The following ARHGAP33 variants were observed in gnomAD, a reference collection of about 807,000 sequenced individuals.
ARHGAP33 encodes rho GTPase-activating protein 33.
Under a neutral mutation model 126.2 loss-of-function variants are expected in ARHGAP33, and 57 were observed. The observed-to-expected ratio is 0.45, with a 90% CI of 0.36 to 0.56. The LOEUF is 0.56. Among genes scored for constraint, ARHGAP33 ranks in the 20% least tolerant of loss-of-function variants. ARHGAP33 has a pLI of 0.00. For missense variants in ARHGAP33, 1,500 were observed against 1,748.3 expected, an observed-to-expected ratio of 0.86 and a Z score of 2.53; for synonymous variants, 711 against 755.0, an observed-to-expected ratio of 0.94 and a Z score of 0.95.
In ARHGAP33 at chr19:35,786,897, ACTG is replaced by A; in HGVS notation, c.2431_2433del (p.Leu811del). The A allele has an allele frequency of 6.2e-7, 1 of 1,608,964 alleles. No homozygotes were observed. Among genetic ancestry groups the A allele is most frequent in the African/African-American group, 1.3e-5 (1 of 74,770 alleles). ...TATCAGTGCCACCCGCTGTCCTAGA[ACTG>A]CTGGGGGCTGGGGGAGCACCTGCCT... On this transcript the variant is annotated inframe_deletion, in exon 20 of 21. Coordinates refer to ENST00000007510, the MANE Select transcript of ARHGAP33 (RefSeq NM_001366178.1). The surrounding 1 kb of genome is among the most constrained non-coding windows in gnomAD (Gnocchi z 7.0).
At chr19:35,785,728 G>A (rs890522025) in intron 19 of ARHGAP33, 2 of 1,362,008 alleles carry the variant, frequency 1.5e-6, no homozygotes, top group African/African-American at 3.0e-5. Context: ...TATTCCTGTT[G>A]AACATTTTAA....
Position 35,782,402 on chromosome 19 carries a change from A to T in ARHGAP33, c.1115A>T (p.Glu372Val). ...RHEFDSERIP[E>V]LSGPAFLQDI... ...GAGTTTGACAGTGAGAGGATCCCGG[A>T]GCTGTCTGGCCCTGCATTCCTGCAG... The change falls in exon 13 of 21, where the codon GAG (glutamate) becomes GTG (valine). Residue 372 changes from glutamate to valine, a missense_variant. Glu to Val is a moderately radical substitution (Grantham distance 121). Transcript: ENST00000007510. This position sits in a 1 kb window ranked among gnomAD's most constrained non-coding sequence, Gnocchi z 4.1. The T allele has an allele frequency of 6.2e-7, 1 of 1,609,328 alleles. No homozygotes were observed. The highest frequency in any genetic ancestry group is 8.5e-7 in the Non-Finnish European group (1 of 1,176,064).
chr19:35,780,109 G>C (rs939191883), intron 6 of ARHGAP33, 102 bp from the exon 7 acceptor site: 10 of 1,497,716 alleles, frequency 6.7e-6, no homozygotes, highest in Middle Eastern at 3.5e-4. Context: ...AGGGGCTCTT[G>C]ACGGGGGCGG....
chr19:35,775,996 C>T (rs1365386707), intron 1 of ARHGAP33, among the ~76,000 whole-genome samples: 1 of 151,928 alleles, frequency 6.6e-6, no homozygotes, highest in Non-Finnish European at 1.5e-5. Flanking sequence ...TCCCCAGCTC[C>T]CATCCCAGCA....
intron 15 of ARHGAP33, 83 bp from the exon 16 acceptor site, chr19:35,784,089 T>A: frequency 8.2e-7 from 1 of 1,218,116 alleles, no homozygotes; most frequent in Non-Finnish European, 1.2e-6. Flanking sequence ...AGTCACTGCC[T>A]CCCCTGGCTC....
intron 6 of ARHGAP33, chr19:35,779,987 T>G (rs773584541): frequency 6.7e-5 from 44 of 661,416 alleles, no homozygotes; most frequent in Non-Finnish European, 9.6e-5. Flanking sequence ...TCCTGGGACA[T>G]GTGAGGGGAA....
intron 19 of ARHGAP33, 140 bp downstream of exon 19, chr19:35,785,623 T>C (rs1972073252): frequency 6.8e-7 from 1 of 1,472,606 alleles, no homozygotes; most frequent in Non-Finnish European, 9.0e-7. Context: ...CTGGCCTTTA[T>C]GTACAATGAG....
rs753597578 is a variant in ARHGAP33, at chr19:35,787,727, C to T, written c.3162C>T (p.Pro1054=). 5.0e-6 allele frequency: 8 copies of T among 1,587,422 alleles called. No individual in the cohort carries two copies. Among genetic ancestry groups the T allele is most frequent in the East Asian group, 4.5e-5 (2 of 44,702 alleles). ...GGGTCCCCAAGCCAGGCTTGTACCC[C>T]CTGGGCCCCCCATCCTTCCAGCCCA... The part of the protein sequence containing the change: ...FLGVPKPGLY[P]LGPPSFQPSS... Residue 1054 remains proline, a synonymous_variant, in exon 21 of 21, where the codon CCC becomes CCT. Coordinates refer to ENST00000007510, the MANE Select transcript of ARHGAP33 (RefSeq NM_001366178.1).
Position 35,780,285 on chromosome 19 carries a change from T to A in ARHGAP33, c.576T>A (p.His192Gln). The stretch of plus-strand genomic sequence containing the variant: ...ATATCCCTGCAGTGGCGGCCGCCCA[T>A]GTGATCAAACGGTATACAGCCCAGG... ...SLNIPAVAAA[H>Q]VIKRYTAQAP... The change falls in exon 7 of 21, where the codon CAT becomes CAA. Residue 192 changes from histidine to glutamine, a missense_variant. Coordinates refer to ENST00000007510, the MANE Select transcript of ARHGAP33 (RefSeq NM_001366178.1). 2 of 1,613,820 alleles carry A rather than the reference T, an allele frequency of 1.2e-6. No individual in the cohort carries two copies. Among genetic ancestry groups the A allele is most frequent in the South Asian group, 2.2e-5 (2 of 91,074 alleles).
chr19:35,785,940 G>T, intron 19 of ARHGAP33: 1 of 1,063,732 alleles, frequency 9.4e-7, no homozygotes, highest in South Asian at 3.4e-5. Context: ...TTGATTTAAA[G>T]GGCGTTGTAA....
At position 35,779,141 on chromosome 19, in the gene ARHGAP33, G is replaced by A. The variant is rs1244353405; in HGVS notation, c.501+17G>A. The stretch of plus-strand genomic sequence containing the variant: ...TGGATGGAGGTGGGCCTGGGCAGGG[G>A]GCTTGGAGATTCCGAGTGGGTGAGG... On this transcript the variant is annotated intron_variant, in intron 6 of 20. Transcript: ENST00000007510. 6.5e-7 allele frequency: 1 copy of A among 1,546,952 alleles called. No homozygotes were observed. The highest frequency in any genetic ancestry group is 8.7e-7 in the Non-Finnish European group (1 of 1,143,308).
chr19:35,781,519 C>T (rs1971777611), intron 12 of ARHGAP33, among the ~76,000 whole-genome samples: 2 of 152,324 alleles, frequency 1.3e-5, no homozygotes, highest in Admixed American at 6.5e-5. Context: ...CCTCATAGGG[C>T]CCATGGGCTA....
At position 35,786,988 on chromosome 19, in the gene ARHGAP33, C is replaced by T. The variant is rs760747870; in HGVS notation, c.2518C>T (p.Leu840=). 16 of 1,610,292 alleles carry T rather than the reference C, an allele frequency of 9.9e-6. No homozygotes were observed. The African/African-American group carries it at 1.9e-4, about 19-fold the overall frequency. Residue 840 remains leucine, a synonymous_variant, in exon 20 of 21, where the codon CTG becomes TTG. Transcript: ENST00000007510. This position sits in a 1 kb window ranked among gnomAD's most constrained non-coding sequence, Gnocchi z 7.0. ...CCTGCGCCCCCATCTCATACCCCTGCTGCTGCGAGGAGCCGAGGCCCCGCT... is the reference window on the plus strand; with the variant it reads ...CCTGCGCCCCCATCTCATACCCCTGTTGCTGCGAGGAGCCGAGGCCCCGCT... ...RSLRPHLIPL[L]LRGAEAPLTD...
Position 35,786,059 on chromosome 19 carries a change from C to A in ARHGAP33, c.1943-354C>A. 1 of 1,175,194 alleles carries A rather than the reference C, an allele frequency of 8.5e-7. No homozygotes were observed. The allele number at this position is 1,175,194 out of a possible 1,614,324, so 72.8% of individuals were successfully genotyped here. On this transcript the variant is annotated intron_variant, in intron 19 of 20. Transcript: ENST00000007510. The surrounding 1 kb of genome is among the most constrained non-coding windows in gnomAD (Gnocchi z 7.0). Reference sequence around the variant, plus strand: ...CCGACCTCTGCGGGGGGCTGCTTATCCACCCCACCCAGCCGTGCCTCTGGG... The same window carrying A: ...CCGACCTCTGCGGGGGGCTGCTTATACACCCCACCCAGCCGTGCCTCTGGG...
intron 15 of ARHGAP33, 134 bp from the exon 16 acceptor site, chr19:35,784,038 G>A (rs1214363205): frequency 3.0e-6 from 2 of 677,010 alleles, no homozygotes; most frequent in Non-Finnish European, 4.8e-6. Flanking sequence ...TGAGAGCCCA[G>A]CGAGGCGTGA....
At position 35,787,092 on chromosome 19, in the gene ARHGAP33, C is replaced by A. The variant is rs776612131; in HGVS notation, c.2602+20C>A. 8 of 1,597,686 alleles carry A rather than the reference C, an allele frequency of 5.0e-6. No homozygotes were observed. The highest frequency in any genetic ancestry group is 6.8e-6 in the Non-Finnish European group (8 of 1,171,818). On this transcript the variant is annotated intron_variant, in intron 20 of 20. Transcript: ENST00000007510. The stretch of plus-strand genomic sequence containing the variant: ...CACTCGGTGAGTCCTCAGCCTACCC[C>A]ACCCCTGTCCCCGCCAGCTGTCACT...
In ARHGAP33 at chr19:35,786,315, C is replaced by G; in HGVS notation, c.1943-98C>G. The G allele has an allele frequency of 1.4e-6, 2 of 1,448,636 alleles. No individual in the cohort carries two copies. Among genetic ancestry groups the G allele is most frequent in the Non-Finnish European group, 1.8e-6 (2 of 1,105,216 alleles). The allele number at this position is 1,448,636 out of a possible 1,614,324, so 89.7% of individuals were successfully genotyped here. On this transcript the variant is annotated intron_variant, in intron 19 of 20. Transcript: ENST00000007510. The surrounding 1 kb of genome is among the most constrained non-coding windows in gnomAD (Gnocchi z 7.0). ...TCTTCCTGGCTTCACACTACTGTGGCCCTCTCCAGGAGGCGCCTCTTCATG... is the reference window on the plus strand; with the variant it reads ...TCTTCCTGGCTTCACACTACTGTGGGCCTCTCCAGGAGGCGCCTCTTCATG...
Position 35,787,413 on chromosome 19 carries a change from G to C in ARHGAP33, c.2848G>C (p.Gly950Arg). The C allele has an allele frequency of 6.2e-7, 1 of 1,610,804 alleles. No individual in the cohort carries two copies. The highest frequency in any genetic ancestry group is 8.5e-7 in the Non-Finnish European group (1 of 1,178,558). ...GGEPLGTSGS[G>R]PPPNSLAHPG... ...GGAGCCCCTGGGGACCTCAGGGAGT[G>C]GGCCACCTCCCAACTCCCTAGCACA... The change falls in exon 21 of 21, where the codon GGG becomes CGG. Residue 950 changes from glycine to arginine, a missense_variant. Transcript: ENST00000007510.
At chr19:35,787,127 GGCCTGGCCCC>G in intron 20 of ARHGAP33, 31 bp from the exon 21 acceptor site, 3 of 1,604,212 alleles carry the variant, frequency 1.9e-6, no homozygotes, top group Non-Finnish European at 2.6e-6. Flanking sequence ...TGACTCTGAG[GGCCTGGCCCC>G]AGCTGAACCC....
Sources: gnomAD v4.1 joint callset for allele counts (sites outside exome capture counted in the v4.1 genomes callset) on GRCh38, gnomAD v4.1.1 for gene constraint, Gnocchi (gnomAD v3.1) non-coding constraint, MANE v1.5 for transcripts, NCBI Gene and HGNC (gene_info 2026-07-23, HGNC 2026-07-21) for gene names.